AKAP12: variants seen among roughly 807,000 people sequenced by gnomAD.
The protein encoded by AKAP12 is A-kinase anchoring protein 12.
In AKAP12, 32 loss-of-function variants were observed where a neutral mutation model predicts 79.9. The ratio of observed to expected loss-of-function variants is 0.40; its 90% confidence interval spans 0.30 to 0.54. The LOEUF (loss-of-function observed/expected upper bound fraction) is 0.54, where lower values mean the gene tolerates loss of function less well. AKAP12 is among the 20% of genes least tolerant of loss of function. AKAP12 has a pLI of 0.48. For missense variants in AKAP12, 2,074 were observed against 2,177.0 expected (o/e 0.95, Z 0.94); for synonymous variants, 808 against 857.0 (o/e 0.94, Z 1.00).
intron 2 of AKAP12, among the ~76,000 whole-genome samples, chr6:151,303,780 C>G (rs900012062): frequency 6.6e-6 from 1 of 152,066 alleles, no homozygotes; most frequent in Non-Finnish European, 1.5e-5. Context: ...AAGCATGGCA[C>G]GTATCTTTGT....
intron 2 of AKAP12, among the ~76,000 whole-genome samples, chr6:151,295,834 A>G (rs1205661029): frequency 6.6e-6 from 1 of 152,184 alleles, no homozygotes; most frequent in Non-Finnish European, 1.5e-5. Context: ...CGTGGGGTTC[A>G]GACAGCTGGG....
intron 2 of AKAP12, among the ~76,000 whole-genome samples, chr6:151,289,054 AT>A (rs1776563054): frequency 6.6e-6 from 1 of 152,130 alleles, no homozygotes; most frequent in Non-Finnish European, 1.5e-5. Flanking sequence ...TGAGGCTTGT[AT>A]TTTTTGCTGG....
rs1053978107 is a variant in AKAP12, at chr6:151,352,787, G to A, written c.4396G>A (p.Ala1466Thr). 12 of 1,614,158 alleles carry A rather than the reference G, an allele frequency of 7.4e-6. No homozygotes were observed. Among genetic ancestry groups the A allele is most frequent in the South Asian group, 1.1e-5 (1 of 91,088 alleles). The change falls in exon 4 of 5, where the codon GCT becomes ACT. Residue 1466 changes from alanine to threonine, a missense_variant. By Grantham distance (58) the Ala-to-Thr change is moderately conservative. This residue lies in a region of AKAP12 where 614 missense variants were observed against 665.6 expected (regional missense o/e 0.92). Transcript: ENST00000402676. Reference protein sequence around the residue: ...KSSEKNEDFAAHPGEDAVPTG... With the variant: ...KSSEKNEDFATHPGEDAVPTG... The stretch of plus-strand genomic sequence containing the variant: ...CTCTGAAAAAAATGAAGACTTTGCC[G>A]CTCATCCAGGGGAAGATGCTGTGCC...
chr6:151,326,890 T>G (rs1361263515), intron 3 of AKAP12, among the ~76,000 whole-genome samples: 1 of 152,040 alleles, frequency 6.6e-6, no homozygotes, highest in African/African-American at 2.4e-5. Context: ...GATCTTGGCT[T>G]ACTGCAACCT....
In AKAP12 at chr6:151,356,568, G is replaced by GTTT. The variant is rs1041421077; in HGVS notation, c.*855_*856insTTT. 9.9e-5 allele frequency: 15 copies of GTTT among 152,202 alleles called. No individual in the cohort carries two copies. The highest frequency in any genetic ancestry group is 9.8e-4 in the Admixed American group (15 of 15,280). 9.4% of individuals were successfully genotyped at this position (152,202 alleles called of 1,614,324 possible). A position where few individuals can be genotyped will look rare whatever the true frequency, so the allele number is the denominator to read the frequency against. On this transcript the variant is annotated 3_prime_UTR_variant, in exon 5 of 5. Coordinates refer to ENST00000402676, the MANE Select transcript of AKAP12 (RefSeq NM_005100.4). ...ATATGTTATGAAGAAAAGAATTGTT[G>GTTT]TAAGTTTTTGATTCTACTCTTATAT...
At chr6:151,337,528 G>GAAAA (rs1554331956) in intron 3 of AKAP12, among the ~76,000 whole-genome samples, 3 of 103,524 alleles carry the variant, frequency 2.9e-5, no homozygotes, top group African/African-American at 1.1e-4. Context: ...AAAAAAAAAA[G>GAAAA]AAAGAAAGAA....
Position 151,332,033 on chromosome 6 carries a change from G to GTTGTTTTTGTTTTTTTT in AKAP12, c.320-16676_320-16675insGTTTTTGTTTTTTTTTT, listed in dbSNP as rs1303327962. The stretch of plus-strand genomic sequence containing the variant: ...GAGTAGCACGTCCAGTTCTGGGTCT[G>GTTGTTTTTGTTTTTTTT]TTTTTTTTTTTTTTTTTTTTTGAGA... On this transcript the variant is annotated intron_variant, in intron 3 of 4. Coordinates refer to ENST00000402676, the MANE Select transcript of AKAP12 (RefSeq NM_005100.4). Among the ~76,000 whole-genome samples, 103 of 79,664 alleles carry GTTGTTTTTGTTTTTTTT rather than the reference G, an allele frequency of 1.3e-3. 14 individuals are homozygous for GTTGTTTTTGTTTTTTTT. Among genetic ancestry groups the GTTGTTTTTGTTTTTTTT allele is most frequent in the South Asian group, 5.6e-3 (10 of 1,780 alleles). 52.3% of individuals were successfully genotyped at this position (79,664 alleles called of 152,430 possible).
At chr6:151,257,649 T>G (rs1453227277) in intron 2 of AKAP12, among the ~76,000 whole-genome samples, 1 of 152,214 alleles carries the variant, frequency 6.6e-6, no homozygotes, top group Non-Finnish European at 1.5e-5. Flanking sequence ...TGTTCCTGGC[T>G]TAATTCGCAT....
intron 2 of AKAP12, among the ~76,000 whole-genome samples, chr6:151,291,760 A>G (rs1776627154): frequency 1.3e-5 from 2 of 152,260 alleles, no homozygotes; most frequent in African/African-American, 4.8e-5. Context: ...GAGTTTTTTA[A>G]GTAACCGATG....
Position 151,349,598 on chromosome 6 carries a change from G to C in AKAP12, c.1207G>C (p.Val403Leu), listed in dbSNP as rs751157043. 6.2e-7 allele frequency: 1 copy of C among 1,611,420 alleles called. No individual in the cohort carries two copies. Among genetic ancestry groups the C allele is most frequent in the South Asian group, 1.1e-5 (1 of 91,026 alleles). ...EEKPAPLATE[V>L]FDEKIEVHQE... The stretch of plus-strand genomic sequence containing the variant: ...GAAACCTGCTCCGTTGGCGACAGAA[G>C]TGTTTGATGAGAAAATAGAAGTCCA... The change falls in exon 4 of 5, where the codon GTG becomes CTG. Residue 403 changes from valine to leucine, a missense_variant. Physicochemically the swap from Val to Leu is conservative, Grantham distance 32. Transcript: ENST00000402676.
rs148031768 is a variant in AKAP12, at chr6:151,350,078, G to A, written c.1687G>A (p.Gly563Ser). The change falls in exon 4 of 5, where the codon GGC becomes AGC. Residue 563 changes from glycine to serine, a missense_variant. This residue lies in a region of AKAP12 where 1,428 missense variants were observed against 1,451.0 expected (regional missense o/e 0.98). Transcript: ENST00000402676. The surrounding 1 kb of genome is among the most constrained non-coding windows in gnomAD (Gnocchi z 4.8). Reference protein sequence around the residue: ...DSPDSQEEQKGESSASSPEEP... With the variant: ...DSPDSQEEQKSESSASSPEEP... ...TCCGGACAGCCAGGAGGAGCAAAAG[G>A]GCGAGAGCTCTGCCTCATCCCCTGA... is the stretch of plus-strand genomic sequence containing the variant. The A allele has an allele frequency of 1.1e-5, 18 of 1,613,978 alleles. No homozygotes were observed. Among genetic ancestry groups the A allele is most frequent in the Non-Finnish European group, 1.4e-5 (16 of 1,180,024 alleles).
chr6:151,342,713 T>C (rs550076215), intron 3 of AKAP12, among the ~76,000 whole-genome samples: 1 of 152,340 alleles, frequency 6.6e-6, no homozygotes, highest in South Asian at 2.1e-4. Flanking sequence ...TCACTTACTC[T>C]ATATAAAGAG....
intron 2 of AKAP12, among the ~76,000 whole-genome samples, chr6:151,243,131 C>G (rs1797010012): frequency 6.6e-6 from 1 of 152,206 alleles, no homozygotes. Context: ...ATTGCAATTT[C>G]AAATTGCGTT....
Position 151,255,124 on chromosome 6 carries a change from A to T in AKAP12, c.162+14400A>T, listed in dbSNP as rs148832054. 3.9e-3 allele frequency among the ~76,000 whole-genome samples: 589 copies of T among 152,178 alleles called. 4 individuals carry two copies. The highest frequency in any genetic ancestry group is 8.3e-3 in the Admixed American group (127 of 15,284). ...TGTCAACAAAAATGAAGTTACAGTT[A>T]TAGGCAGGTGACTGGAAAAACAGTA... On this transcript the variant is annotated intron_variant, in intron 2 of 4. Coordinates refer to ENST00000402676, the MANE Select transcript of AKAP12 (RefSeq NM_005100.4).
In AKAP12 at chr6:151,353,014, A is replaced by G; in HGVS notation, c.4623A>G (p.Glu1541=). Residue 1541 remains glutamate (E), a synonymous_variant, in exon 4 of 5, where the codon GAA becomes GAG. Transcript: ENST00000402676. ...TAGAGCCTGAAAATGGGATTTTGGA[A>G]CTTGAGACCAAAAGCAGTAAACTTG... ...EDLEPENGIL[E]LETKSSKLVQ... is the part of the protein sequence containing the mutation. The G allele has an allele frequency of 6.2e-7, 1 of 1,614,194 alleles. No homozygotes were observed. The highest frequency in any genetic ancestry group is 1.1e-5 in the South Asian group (1 of 91,082).
At chr6:151,271,356 C>G (rs956770933) in intron 2 of AKAP12, among the ~76,000 whole-genome samples, 9 of 144,244 alleles carry the variant, frequency 6.2e-5, no homozygotes, top group African/African-American at 2.3e-4. Context: ...GGTTCTCATT[C>G]TGTCGCCCAG....
intron 3 of AKAP12, among the ~76,000 whole-genome samples, chr6:151,331,497 G>A (rs1028779642): frequency 2.0e-5 from 3 of 152,102 alleles, no homozygotes; most frequent in East Asian, 1.9e-4. Flanking sequence ...CCAAGGTCTC[G>A]CTTGGCAGTG....
chr6:151,344,378 T>TGG (rs1778029597), intron 3 of AKAP12, among the ~76,000 whole-genome samples: 1 of 84,386 alleles, frequency 1.2e-5, no homozygotes, highest in Non-Finnish European at 2.9e-5. Context: ...CCTATTCATC[T>TGG]ATGAATATCC....
At chr6:151,322,947 T>A (rs1777434548) in intron 3 of AKAP12, among the ~76,000 whole-genome samples, 1 of 152,252 alleles carries the variant, frequency 6.6e-6, no homozygotes, top group South Asian at 2.1e-4. Flanking sequence ...TTCCTATAAT[T>A]CTTGCTTTGG....
Sources: allele counts gnomAD v4.1 joint callset (sites outside exome capture counted in the v4.1 genomes callset), GRCh38; gene constraint gnomAD v4.1.1; regional missense constraint gnomAD v4.1.1; non-coding constraint Gnocchi (gnomAD v3.1); transcripts MANE v1.5; gene names NCBI Gene and HGNC (gene_info 2026-07-23, HGNC 2026-07-21).